VPS4B: variants seen among roughly 807,000 people sequenced by gnomAD.
VPS4B encodes vacuolar protein sorting-associated protein 4B.
VPS4B carries 23 observed loss-of-function variants against 56.1 expected under a neutral mutation model. The ratio of observed to expected loss-of-function variants is 0.41; its 90% CI spans 0.30 to 0.58. The LOEUF is 0.58. VPS4B is among the 20% of genes least tolerant of loss of function. VPS4B has a pLI of 0.29. For missense variants in VPS4B, 372 were observed against 531.9 expected, an observed-to-expected ratio of 0.70 and a Z score of 2.96; for synonymous variants, 177 against 186.0, an observed-to-expected ratio of 0.95 and a Z score of 0.39.
chr18:63,397,501 G>T (rs921204055), intron 8 of VPS4B, among the ~76,000 whole-genome samples: 1 of 152,048 alleles, frequency 6.6e-6, no homozygotes, highest in Non-Finnish European at 1.5e-5. Flanking sequence ...CCTATGTCTG[G>T]AATTCATGAA....
In VPS4B at chr18:63,422,293, G is replaced by A. The variant is rs1185409047; in HGVS notation, c.-34C>T. 6.1e-6 allele frequency: 9 copies of A among 1,484,484 alleles called. No homozygotes were observed. The highest frequency in any genetic ancestry group is 8.1e-6 in the Non-Finnish European group (9 of 1,115,296). The allele number at this position is 1,484,484 out of a possible 1,614,324, so 92.0% of individuals were successfully genotyped here. ...TCCCAGGCGGTTCCCAAGGGAACGAGGGGCGAGGAGAGCCAACAGCAGCAA... is the reference window on the plus strand; with the variant it reads ...TCCCAGGCGGTTCCCAAGGGAACGAAGGGCGAGGAGAGCCAACAGCAGCAA... On this transcript the variant is annotated 5_prime_UTR_variant, in exon 1 of 11. Coordinates refer to ENST00000238497, the MANE Select transcript of VPS4B (RefSeq NM_004869.4).
At chr18:63,410,701 A>C (rs538557036) in intron 2 of VPS4B, among the ~76,000 whole-genome samples, 1 of 152,362 alleles carries the variant, frequency 6.6e-6, no homozygotes, top group African/African-American at 2.4e-5. Context: ...AATGTTAACT[A>C]ACAGGAAATT....
chr18:63,398,347 TGGG>T (rs1465068067), intron 8 of VPS4B, among the ~76,000 whole-genome samples: 1 of 151,852 alleles, frequency 6.6e-6, no homozygotes, highest in Non-Finnish European at 1.5e-5. Flanking sequence ...CCCGAGTAGC[TGGG>T]ACTACAGACA....
At chr18:63,400,256 A>G in intron 6 of VPS4B, 60 bp from the exon 7 acceptor site, 2 of 1,474,586 alleles carry the variant, frequency 1.4e-6, no homozygotes, top group South Asian at 2.7e-5. Flanking sequence ...AAACAAAGTA[A>G]TATATCAATA....
chr18:63,396,138 G>C (rs1915663249), intron 9 of VPS4B, among the ~76,000 whole-genome samples: 1 of 152,208 alleles, frequency 6.6e-6, no homozygotes, highest in Non-Finnish European at 1.5e-5. Context: ...TTCTAGATGT[G>C]TCAGAAGCAG....
chr18:63,400,835 A>G, intron 5 of VPS4B, 132 bp from the exon 6 acceptor site: 1 of 899,130 alleles, frequency 1.1e-6, no homozygotes, highest in Non-Finnish European at 1.6e-6. Flanking sequence ...AAATAAATCA[A>G]TCTAAGGTAT....
chr18:63,401,122 G>T (rs185929313), intron 5 of VPS4B, among the ~76,000 whole-genome samples: 79 of 152,322 alleles, frequency 5.2e-4, no homozygotes, highest in African/African-American at 1.4e-3. Flanking sequence ...TGGGCAGCTG[G>T]AAGAGATTTT....
rs542237840 is a variant in VPS4B, at chr18:63,394,555, C to T, written c.1093-1006G>A. Among the ~76,000 whole-genome samples, 17 of 152,198 alleles carry T rather than the reference C, an allele frequency of 1.1e-4. No individual in the cohort carries two copies. The South Asian group carries it at 3.3e-3, about 30-fold the overall frequency. ...GATGTCAGCTCACTGCAACTTCCAC[C>T]TCCAGGGTTCAAGCAATTCTCCTGC... On this transcript the variant is annotated intron_variant, in intron 9 of 10. Coordinates refer to ENST00000238497, the MANE Select transcript of VPS4B (RefSeq NM_004869.4).
At chr18:63,393,344 A>G (rs1915597446) in intron 10 of VPS4B, 65 bp downstream of exon 10, 1 of 1,412,640 alleles carries the variant, frequency 7.1e-7, no homozygotes, top group Non-Finnish European at 9.3e-7. Context: ...CAAATCTTAT[A>G]TAACTGAAAA....
rs189803662 is a variant in VPS4B, at chr18:63,389,557, T to C, written c.*1418A>G. 262 of 152,814 alleles carry C rather than the reference T, an allele frequency of 1.7e-3. 1 individual carries two copies. Among genetic ancestry groups the C allele is most frequent in the African/African-American group, 6.0e-3 (249 of 41,596 alleles). The allele number at this position is 152,814 out of a possible 1,614,324, so 9.5% of individuals were successfully genotyped here. A position where few individuals can be genotyped will look rare whatever the true frequency, so the allele number is the denominator to read the frequency against. ...CAATTCTACAAGGCACAACTCAGCG[T>C]TGATGCTAAAGTATGAAACACATCC... On this transcript the variant is annotated 3_prime_UTR_variant, in exon 11 of 11. Coordinates refer to ENST00000238497, the MANE Select transcript of VPS4B (RefSeq NM_004869.4).
intron 1 of VPS4B, chr18:63,415,475 C>T (rs1916142094): frequency 6.5e-6 from 2 of 305,748 alleles, no homozygotes; most frequent in Non-Finnish European, 1.4e-5. Flanking sequence ...GCCCCTGATG[C>T]TCCTGGCATA....
At chr18:63,398,411 G>T (rs1297945766) in intron 8 of VPS4B, among the ~76,000 whole-genome samples, 1 of 151,716 alleles carries the variant, frequency 6.6e-6, no homozygotes, top group African/African-American at 2.4e-5. Flanking sequence ...GTAGAGACAG[G>T]GTTTCACCAC....
Position 63,410,379 on chromosome 18 carries a change from T to G in VPS4B, c.207A>C (p.Ala69=). 1 of 1,614,026 alleles carries G rather than the reference T, an allele frequency of 6.2e-7. No homozygotes were observed. Among genetic ancestry groups the G allele is most frequent in the South Asian group, 1.1e-5 (1 of 91,090 alleles). The change falls in exon 3 of 11, where the codon GCA becomes GCC. Residue 69 remains alanine (A), a synonymous_variant. Transcript: ENST00000238497. ...TTTTCAGGTACTCCTTTAGTTTTTC[T>G]GCTCTATCAAGATATTCTGTACACT... The part of the protein sequence containing the change: ...RAKCTEYLDR[A]EKLKEYLKNK...
At chr18:63,403,635 A>G (rs1487926305) in intron 5 of VPS4B, 72 bp downstream of exon 5, 9 of 1,430,162 alleles carry the variant, frequency 6.3e-6, no homozygotes, top group Non-Finnish European at 8.5e-6. Context: ...GACAAGAATG[A>G]CAATGCTTCA....
At chr18:63,410,240 A>T (rs776963853) in intron 3 of VPS4B, 50 bp downstream of exon 3, 3 of 1,598,144 alleles carry the variant, frequency 1.9e-6, no homozygotes, top group Non-Finnish European at 2.6e-6. Flanking sequence ...GAAATTTCAC[A>T]AATCGAAAGC....
At chr18:63,402,530 G>A (rs1599359666) in intron 5 of VPS4B, among the ~76,000 whole-genome samples, 1 of 152,140 alleles carries the variant, frequency 6.6e-6, no homozygotes, top group African/African-American at 2.4e-5. Context: ...AGGGGCTCCT[G>A]TATGTCTCTG....
Position 63,393,371 on chromosome 18 carries a change from T to C in VPS4B, c.1233+38A>G. On this transcript the variant is annotated intron_variant, in intron 10 of 10. Transcript: ENST00000238497. Reference sequence around the variant, plus strand: ...AACTGAAAATTATGAAGTATAATGTTTTAAAATATTTTCTTAAAAACAAAC... The same window carrying C: ...AACTGAAAATTATGAAGTATAATGTCTTAAAATATTTTCTTAAAAACAAAC... 3.2e-6 allele frequency: 5 copies of C among 1,549,564 alleles called. 1 individual carries two copies. In the South Asian group the frequency reaches 6.2e-5, roughly 19 times the overall value.
intron 8 of VPS4B, among the ~76,000 whole-genome samples, chr18:63,398,204 C>CACACACACATATATATATATAT (rs1298374245): frequency 8.9e-5 from 10 of 112,490 alleles, no homozygotes; most frequent in African/African-American, 2.9e-4. Context: ...CACACACACA[C>CACACACACATATATATATATAT]ATATATATAT....
At chr18:63,417,463 A>C (rs1010377291) in intron 1 of VPS4B, among the ~76,000 whole-genome samples, 1 of 151,596 alleles carries the variant, frequency 6.6e-6, no homozygotes, top group Non-Finnish European at 1.5e-5. Context: ...CCCAACCACC[A>C]CTTTGCTGGT....
Sources: allele counts gnomAD v4.1 joint callset (sites outside exome capture counted in the v4.1 genomes callset), GRCh38; gene constraint gnomAD v4.1.1; transcripts MANE v1.5; gene names NCBI Gene and HGNC (gene_info 2026-07-23, HGNC 2026-07-21).